TNR: variants seen among roughly 807,000 people sequenced by gnomAD.
The protein encoded by TNR is tenascin-R.
In TNR, 45 loss-of-function variants were observed where a neutral mutation model predicts 150.4. The ratio of observed to expected loss-of-function variants is 0.30; its 90% CI spans 0.24 to 0.38. The LOEUF is 0.38. Ranked by LOEUF, TNR falls within the 10% of genes least tolerant of loss-of-function variation. The pLI, the probability that TNR is intolerant of heterozygous loss-of-function variation, is 1.00. For synonymous variants in TNR, 687 were observed against 678.4 expected (o/e 1.01, Z -0.20); for missense variants, 1,544 against 1,759.1 (o/e 0.88, Z 2.19).
At chr1:175,713,298 C>T (rs1403546849) in intron 1 of TNR, among the ~76,000 whole-genome samples, 3 of 152,168 alleles carry the variant, frequency 2.0e-5, no homozygotes, top group African/African-American at 7.2e-5. Flanking sequence ...ACTGCACAAC[C>T]GTCTATGCAC....
intron 1 of TNR, among the ~76,000 whole-genome samples, chr1:175,650,315 G>A (rs1036509535): frequency 6.6e-5 from 10 of 151,974 alleles, no homozygotes; most frequent in Admixed American, 1.3e-4. Flanking sequence ...CCCGGGAGGC[G>A]GAGGATGAAG....
At chr1:175,740,419 T>C (rs1667894751) in intron 1 of TNR, among the ~76,000 whole-genome samples, 1 of 150,250 alleles carries the variant, frequency 6.7e-6, no homozygotes, top group Non-Finnish European at 1.5e-5. Context: ...ATATACAAAT[T>C]ATATGTCATT....
chr1:175,564,000 T>C (rs550240594), intron 1 of TNR, among the ~76,000 whole-genome samples: 1 of 152,248 alleles, frequency 6.6e-6, no homozygotes, highest in African/African-American at 2.4e-5. Context: ...GTGCTGAATC[T>C]TCATTCTTTA....
intron 1 of TNR, among the ~76,000 whole-genome samples, chr1:175,630,791 G>C (rs1024669598): frequency 9.3e-5 from 14 of 150,970 alleles, no homozygotes; most frequent in African/African-American, 3.2e-4. Context: ...AAAACTACCT[G>C]AGAATCCAGC....
intron 1 of TNR, among the ~76,000 whole-genome samples, chr1:175,621,360 G>T (rs1663970285): frequency 6.6e-6 from 1 of 152,034 alleles, no homozygotes; most frequent in African/African-American, 2.4e-5. Flanking sequence ...CACTTGTCAT[G>T]ACCTGGCCCC....
At position 175,419,325 on chromosome 1, in the gene TNR, C is replaced by T. The variant is rs1654646322; in HGVS notation, c.-63-12548G>A. Among the ~76,000 whole-genome samples, 3 of 152,116 alleles carry T rather than the reference C, an allele frequency of 2.0e-5. No individual in the cohort carries two copies. In the South Asian group the frequency reaches 6.2e-4, roughly 32 times the overall value. On this transcript the variant is annotated intron_variant, in intron 2 of 22. Transcript: ENST00000367674. The stretch of plus-strand genomic sequence containing the variant: ...ATAAAGACAAGAATTGACCATTTAG[C>T]TACATGCAGCTGCCTTTCTGACAGC...
intron 1 of TNR, among the ~76,000 whole-genome samples, chr1:175,638,333 T>C (rs1192420482): frequency 6.6e-6 from 1 of 152,186 alleles, no homozygotes; most frequent in East Asian, 1.9e-4. Flanking sequence ...GGGTACAAGG[T>C]CCTCCTCCTC....
At chr1:175,734,755 G>T (rs553071662) in intron 1 of TNR, among the ~76,000 whole-genome samples, 5 of 152,212 alleles carry the variant, frequency 3.3e-5, no homozygotes, top group Admixed American at 2.0e-4. Flanking sequence ...CGCAGAAAAG[G>T]GGAGTGCATC....
At chr1:175,371,197 C>G (rs1652089721) in intron 9 of TNR, among the ~76,000 whole-genome samples, 1 of 152,180 alleles carries the variant, frequency 6.6e-6, no homozygotes, top group Non-Finnish European at 1.5e-5. Context: ...CTTTATCTCT[C>G]CATCCAACTC....
intron 1 of TNR, among the ~76,000 whole-genome samples, chr1:175,669,369 T>C (rs1028808371): frequency 2.0e-5 from 3 of 152,182 alleles, no homozygotes; most frequent in African/African-American, 7.2e-5. Context: ...CCTCCAAGTT[T>C]GTCTAATTCC....
chr1:175,696,429 C>A (rs74489829), intron 1 of TNR, among the ~76,000 whole-genome samples: 2 of 151,972 alleles, frequency 1.3e-5, no homozygotes, highest in East Asian at 3.9e-4. Context: ...GGACTGAAGA[C>A]ATAAAGGTTG....
At chr1:175,371,670 C>A (rs1221344675) in intron 9 of TNR, among the ~76,000 whole-genome samples, 1 of 152,126 alleles carries the variant, frequency 6.6e-6, no homozygotes, top group South Asian at 2.1e-4. Flanking sequence ...AAGATTCACA[C>A]GTTATTTAAT....
At chr1:175,555,765 G>A (rs1661134230) in intron 1 of TNR, among the ~76,000 whole-genome samples, 1 of 152,144 alleles carries the variant, frequency 6.6e-6, no homozygotes, top group Non-Finnish European at 1.5e-5. Flanking sequence ...AAAACAAGAA[G>A]CGTAAAACCA....
chr1:175,580,582 C>A (rs1662316203), intron 1 of TNR, among the ~76,000 whole-genome samples: 1 of 152,204 alleles, frequency 6.6e-6, no homozygotes. Context: ...GGAATAAACC[C>A]TCCCTTCTTC....
At chr1:175,624,776 G>T (rs746269716) in intron 1 of TNR, among the ~76,000 whole-genome samples, 15 of 152,188 alleles carry the variant, frequency 9.9e-5, no homozygotes, top group Non-Finnish European at 1.8e-4. Flanking sequence ...GGAATGGTGG[G>T]CTCCTGGGGT....
intron 1 of TNR, among the ~76,000 whole-genome samples, chr1:175,714,910 G>A (rs189261111): frequency 1.2e-4 from 19 of 152,316 alleles, no homozygotes; most frequent in Admixed American, 9.8e-4. Flanking sequence ...CAGCAGCAGG[G>A]GAGAGGCAGT....
intron 1 of TNR, among the ~76,000 whole-genome samples, chr1:175,611,830 C>G (rs1323910102): frequency 6.6e-6 from 1 of 152,060 alleles, no homozygotes; most frequent in Non-Finnish European, 1.5e-5. Flanking sequence ...GGAAACAGAC[C>G]TATAAAGTAA....
intron 1 of TNR, among the ~76,000 whole-genome samples, chr1:175,716,372 CTG>C (rs1348397691): frequency 6.6e-6 from 1 of 152,220 alleles, no homozygotes; most frequent in African/African-American, 2.4e-5. Flanking sequence ...CCTCCCACAT[CTG>C]TCTCCCCTTC....
chr1:175,451,216 TAATGTTTTTA>T (rs373350359), intron 2 of TNR, among the ~76,000 whole-genome samples: 15 of 142,632 alleles, frequency 1.1e-4, no homozygotes, highest in East Asian at 6.3e-4. Flanking sequence ...TTTTTTTTTT[TAATGTTTTTA>T]TTTTTTTATT....
Sources: allele counts gnomAD v4.1 joint callset (sites outside exome capture counted in the v4.1 genomes callset), GRCh38; gene constraint gnomAD v4.1.1; transcripts MANE v1.5; gene names NCBI Gene and HGNC (gene_info 2026-07-23, HGNC 2026-07-21).